LEPR: variants seen among roughly 807,000 people sequenced by gnomAD.
LEPR encodes leptin receptor, also known as OB receptor.
In LEPR, 56 loss-of-function variants were observed where a neutral mutation model predicts 114.7. The observed-to-expected ratio is 0.49, with a 90% CI of 0.39 to 0.61. The LOEUF (loss-of-function observed/expected upper bound fraction) is 0.61. Among genes scored for constraint, LEPR ranks in the 20% least tolerant of loss-of-function variants. LEPR has a pLI of 0.00. For synonymous variants in LEPR, 443 were observed against 461.4 expected (o/e 0.96, Z 0.51); for missense variants, 1,202 against 1,352.9 (o/e 0.89, Z 1.75).
rs142143966 is a variant in LEPR at position 65,636,435 on chromosome 1, C to A, written c.2918C>A (p.Thr973Asn). Residue 973 changes from threonine (T) to asparagine (N), a missense_variant, in exon 20 of 20, where the codon ACC becomes AAC. By Grantham distance (65) the Thr-to-Asn change is moderately conservative. Coordinates refer to ENST00000349533, the MANE Select transcript of LEPR (RefSeq NM_002303.6). ...NFSEAEGTEVTYEDESQRQPF... is the reference protein window; with the variant it reads ...NFSEAEGTEVNYEDESQRQPF... ...TCTGAGGCTGAGGGTACTGAGGTAA[C>A]CTATGAGGACGAAAGCCAGAGACAA... 140 of 1,613,918 alleles carry A rather than the reference C, an allele frequency of 8.7e-5. No homozygotes were observed. In the African/African-American group the frequency reaches 1.5e-3, roughly 17 times the overall value.
intron 6 of LEPR, among the ~76,000 whole-genome samples, chr1:65,593,143 C>T (rs900817223): frequency 6.7e-6 from 1 of 149,770 alleles, no homozygotes; most frequent in African/African-American, 2.5e-5. Context: ...CACTTTTTCA[C>T]ATCTCAGATA....
At position 65,452,946 on chromosome 1, in the gene LEPR, A is replaced by G. The variant is rs557575712; in HGVS notation, c.-21+27568A>G. Among the ~76,000 whole-genome samples the G allele has an allele frequency of 5.9e-5, 9 of 152,316 alleles. No individual in the cohort carries two copies. The East Asian group carries it at 1.7e-3, about 29-fold the overall frequency. ...GGTTGGTAAGCTATTGATTGTTGCC[A>G]CAATTTCAGATCCTGTTATTGGTGT... On this transcript the variant is annotated intron_variant, in intron 2 of 19. Transcript: ENST00000349533.
intron 2 of LEPR, among the ~76,000 whole-genome samples, chr1:65,426,769 C>T (rs193274843): frequency 5.3e-5 from 8 of 151,960 alleles, no homozygotes; most frequent in African/African-American, 1.4e-4. Flanking sequence ...GAGGCTGAGG[C>T]GGGCAGATCA....
At position 65,601,629 on chromosome 1, in the gene LEPR, A is replaced by G; in HGVS notation, c.1232A>G (p.Tyr411Cys). 1 of 1,613,728 alleles carries G rather than the reference A, an allele frequency of 6.2e-7. No homozygotes were observed. Among genetic ancestry groups the G allele is most frequent in the South Asian group, 1.1e-5 (1 of 91,060 alleles). ...GGAAAGTTTACCTATGATGCAGTGTACTGCTGCAATGAACATGAATGCCAT... is the reference window on the plus strand; with the variant it reads ...GGAAAGTTTACCTATGATGCAGTGTGCTGCTGCAATGAACATGAATGCCAT... ...PRGKFTYDAVYCCNEHECHHR... is the reference protein window; with the variant it reads ...PRGKFTYDAVCCCNEHECHHR... Residue 411 changes from tyrosine (Y) to cysteine (C), a missense_variant, in exon 9 of 20, where the codon TAC (tyrosine) becomes TGC (cysteine). Physicochemically the swap from Tyr to Cys is radical, Grantham distance 194 (BLOSUM62 -2). Transcript: ENST00000349533.
At position 65,425,597 on chromosome 1, in the gene LEPR, C is replaced by G. The variant is rs1456484688; in HGVS notation, c.-21+219C>G. On this transcript the variant is annotated intron_variant, in intron 2 of 19. Coordinates refer to ENST00000349533, the MANE Select transcript of LEPR (RefSeq NM_002303.6). Reference sequence around the variant, plus strand: ...TCCATAAGCATTTGTTTAACACCTACTCTGGACTAGCTGGGGACACACAAA... The same window carrying G: ...TCCATAAGCATTTGTTTAACACCTAGTCTGGACTAGCTGGGGACACACAAA... Among the ~76,000 whole-genome samples the G allele has an allele frequency of 2.6e-5, 4 of 152,060 alleles. No individual in the cohort carries two copies. In the East Asian group the frequency reaches 7.7e-4, roughly 29 times the overall value.
rs577903724 is a variant in LEPR, at chr1:65,489,011, G to A, written c.-21+63633G>A. ...TATATGTACCACATTTTCTTTATTT[G>A]TTCATCTGTTGATGGACACTTAGGT... On this transcript the variant is annotated intron_variant, in intron 2 of 19. Transcript: ENST00000349533. 2.6e-5 allele frequency among the ~76,000 whole-genome samples: 4 copies of A among 151,856 alleles called. No individual in the cohort carries two copies. In the South Asian group the frequency reaches 8.3e-4, roughly 32 times the overall value.
chr1:65,630,184 A>G, intron 19 of LEPR: 1 of 265,660 alleles, frequency 3.8e-6, no homozygotes, highest in Non-Finnish European at 7.4e-6. Flanking sequence ...GTTTACTTAT[A>G]ATTTCCTTTT....
At chr1:65,511,094 C>T (rs923387788) in intron 2 of LEPR, among the ~76,000 whole-genome samples, 2 of 152,164 alleles carry the variant, frequency 1.3e-5, no homozygotes, top group Admixed American at 1.3e-4. Context: ...AGAAAGTTCT[C>T]GTGTACTGTA....
intron 2 of LEPR, among the ~76,000 whole-genome samples, chr1:65,428,386 C>A (rs7551385): frequency 2.0e-5 from 3 of 151,990 alleles, no homozygotes; most frequent in Non-Finnish European, 4.4e-5. Flanking sequence ...AAACCCCTTC[C>A]CCTCTCTGTG....
At position 65,636,682 on chromosome 1, in the gene LEPR, A is replaced by T. The variant is rs1658731331; in HGVS notation, c.3165A>T (p.Glu1055Asp). 1 of 1,609,074 alleles carries T rather than the reference A, an allele frequency of 6.2e-7. No homozygotes were observed. Among genetic ancestry groups the T allele is most frequent in the African/African-American group, 1.3e-5 (1 of 74,688 alleles). ...TTTCACCACACCTCACATTCTCAGAAGGATTGGATGAACTTTTGAAATTGG... is the reference window on the plus strand; with the variant it reads ...TTTCACCACACCTCACATTCTCAGATGGATTGGATGAACTTTTGAAATTGG... Reference protein sequence around the residue: ...NIISPHLTFSEGLDELLKLEG... With the variant: ...NIISPHLTFSDGLDELLKLEG... Residue 1055 changes from glutamate (E) to aspartate (D), a missense_variant, in exon 20 of 20, where the codon GAA (glutamate) becomes GAT (aspartate). Coordinates refer to ENST00000349533, the MANE Select transcript of LEPR (RefSeq NM_002303.6).
chr1:65,488,405 C>A (rs1647693601), intron 2 of LEPR, among the ~76,000 whole-genome samples: 1 of 149,874 alleles, frequency 6.7e-6, no homozygotes, highest in Admixed American at 6.7e-5. Flanking sequence ...TGGCTCACTA[C>A]AGCATTGAAT....
At chr1:65,530,079 G>A (rs1363015152) in intron 2 of LEPR, among the ~76,000 whole-genome samples, 1 of 152,114 alleles carries the variant, frequency 6.6e-6, no homozygotes, top group Non-Finnish European at 1.5e-5. Context: ...TTTCCATTTG[G>A]ATGTCTAGTA....
intron 2 of LEPR, among the ~76,000 whole-genome samples, chr1:65,455,267 CCTT>C (rs1362259597): frequency 1.4e-4 from 21 of 152,194 alleles, no homozygotes; most frequent in Non-Finnish European, 2.8e-4. Context: ...TCGTCTGAAG[CCTT>C]CTTCTCTCAG....
Position 65,535,351 on chromosome 1 carries a change from A to C in LEPR, c.-20-30195A>C, listed in dbSNP as rs943477202. ...GTGTCTTGCAACAACACTGCTAGTC[A>C]TAGGTCTGATTTGGGGGAGAAAATA... On this transcript the variant is annotated intron_variant, in intron 2 of 19. Coordinates refer to ENST00000349533, the MANE Select transcript of LEPR (RefSeq NM_002303.6). Among the ~76,000 whole-genome samples, 6 of 150,590 alleles carry C rather than the reference A, an allele frequency of 4.0e-5. No individual in the cohort carries two copies. In the East Asian group the frequency reaches 9.7e-4, roughly 24 times the overall value.
intron 2 of LEPR, among the ~76,000 whole-genome samples, chr1:65,462,123 T>G (rs1461193388): frequency 6.6e-6 from 1 of 152,154 alleles, no homozygotes; most frequent in African/African-American, 2.4e-5. Flanking sequence ...GCATTACTAA[T>G]TAGGGTTACT....
chr1:65,540,613 C>T (rs1238394001), intron 2 of LEPR, among the ~76,000 whole-genome samples: 3 of 152,192 alleles, frequency 2.0e-5, no homozygotes, highest in African/African-American at 7.2e-5. Flanking sequence ...TTATAGTCTA[C>T]AGGACCATGA....
chr1:65,611,287 T>C (rs919809646), intron 14 of LEPR, among the ~76,000 whole-genome samples: 15 of 152,240 alleles, frequency 9.9e-5, no homozygotes, highest in Non-Finnish European at 2.1e-4. Context: ...ATTTATTGTA[T>C]TCTGAACACT....
chr1:65,472,615 G>GACACACACACACAC lies in LEPR; in HGVS notation c.-21+47257_-21+47270dup, dbSNP rs77182938. Reference sequence around the variant, plus strand: ...ATAATTAAATGAGTGTATATATATAGACACACACACACACACACACACACA... The same window carrying GACACACACACACAC: ...ATAATTAAATGAGTGTATATATATAGACACACACACACACACACACACACACACACACACACACA... On this transcript the variant is annotated intron_variant, in intron 2 of 19. Coordinates refer to ENST00000349533, the MANE Select transcript of LEPR (RefSeq NM_002303.6). 8.5e-3 allele frequency among the ~76,000 whole-genome samples: 1,169 copies of GACACACACACACAC among 137,116 alleles called. 30 individuals carry two copies. Among genetic ancestry groups the GACACACACACACAC allele is most frequent in the African/African-American group, 0.03 (1,090 of 36,006 alleles). 90.0% of individuals were successfully genotyped at this position (137,116 alleles called of 152,430 possible).
Position 65,633,383 on chromosome 1 carries a change from G to T in LEPR, c.2674-2808G>T. 7.6e-7 allele frequency: 1 copy of T among 1,323,680 alleles called. No individual in the cohort carries two copies. The highest frequency in any genetic ancestry group is 9.6e-7 in the Non-Finnish European group (1 of 1,038,658). The allele number at this position is 1,323,680 out of a possible 1,614,324, so 82.0% of individuals were successfully genotyped here. On this transcript the variant is annotated intron_variant, in intron 19 of 19. Transcript: ENST00000349533. This position sits in a 1 kb window ranked among gnomAD's most constrained non-coding sequence, Gnocchi z 4.1. ...AAAATGTAGATTTGAGTCCAGTTTG[G>T]ATGTGTGATTAATTTTCAAATCATC...
Sources: gnomAD v4.1 joint callset for allele counts (sites outside exome capture counted in the v4.1 genomes callset) on GRCh38, gnomAD v4.1.1 for gene constraint, Gnocchi (gnomAD v3.1) non-coding constraint, MANE v1.5 for transcripts, NCBI Gene and HGNC (gene_info 2026-07-23, HGNC 2026-07-21) for gene names.